ZBTB7C: variants seen among roughly 807,000 people sequenced by gnomAD.
ZBTB7C encodes the protein zinc finger and BTB domain containing 7C.
Under a neutral mutation model 25.7 loss-of-function variants are expected in ZBTB7C, and 8 were observed. The ratio of observed to expected loss-of-function variants is 0.31; its 90% CI spans 0.18 to 0.56. ZBTB7C has a LOEUF of 0.56. Among genes scored for constraint, ZBTB7C ranks in the 20% least tolerant of loss-of-function variants. ZBTB7C has a pLI of 0.91. For missense variants in ZBTB7C, 824 were observed against 855.2 expected (o/e 0.96, Z 0.46); for synonymous variants, 394 against 369.0 (o/e 1.07, Z -0.78).
At chr18:48,226,129 C>T (rs144927663) in intron 2 of ZBTB7C, among the ~76,000 whole-genome samples, 1 of 152,188 alleles carries the variant, frequency 6.6e-6, no homozygotes, top group African/African-American at 2.4e-5. Context: ...GACATGAGAG[C>T]AAACCCAACC....
intron 1 of ZBTB7C, among the ~76,000 whole-genome samples, chr18:48,372,781 T>G (rs2047417726): frequency 6.6e-6 from 1 of 152,104 alleles, no homozygotes; most frequent in East Asian, 1.9e-4. Flanking sequence ...TTCTACCCTA[T>G]ATGCAGGTCC....
Position 48,111,198 on chromosome 18 carries a change from C to T in ZBTB7C, c.-16-70075G>A, listed in dbSNP as rs370217446. On this transcript the variant is annotated intron_variant, in intron 3 of 4. Coordinates refer to ENST00000590800, the MANE Select transcript of ZBTB7C (RefSeq NM_001318841.2). ...TCCACCTCCCCACCCCATCCTTTCTCATGCTCTCGTCCTCAGCTCCTCTTA... is the reference window on the plus strand; with the variant it reads ...TCCACCTCCCCACCCCATCCTTTCTTATGCTCTCGTCCTCAGCTCCTCTTA... Among the ~76,000 whole-genome samples the T allele has an allele frequency of 6.2e-4, 95 of 152,266 alleles. No individual in the cohort carries two copies. The South Asian group carries it at 0.018, about 29-fold the overall frequency.
At position 48,105,835 on chromosome 18, in the gene ZBTB7C, C is replaced by T. The variant is rs756521101; in HGVS notation, c.-16-64712G>A. Among the ~76,000 whole-genome samples, 53 of 152,216 alleles carry T rather than the reference C, an allele frequency of 3.5e-4. 1 individual carries two copies. The highest frequency in any genetic ancestry group is 1.0e-3 in the South Asian group (5 of 4,828). Reference sequence around the variant, plus strand: ...CAACTTGCTATTGCTATTGCACTCGCAATACCTGGCTCCAGCATACCATTG... The same window carrying T: ...CAACTTGCTATTGCTATTGCACTCGTAATACCTGGCTCCAGCATACCATTG... On this transcript the variant is annotated intron_variant, in intron 3 of 4. Transcript: ENST00000590800.
intron 1 of ZBTB7C, among the ~76,000 whole-genome samples, chr18:48,359,766 A>G (rs561598254): frequency 6.6e-6 from 1 of 152,338 alleles, no homozygotes; most frequent in South Asian, 2.1e-4. Flanking sequence ...AAAGAGGAAC[A>G]AGATGTCATT....
intron 2 of ZBTB7C, among the ~76,000 whole-genome samples, chr18:48,247,889 T>A (rs571385089): frequency 6.6e-6 from 1 of 152,220 alleles, no homozygotes; most frequent in Non-Finnish European, 1.5e-5. Flanking sequence ...TTTGGCTGTG[T>A]CCTCACCCAA....
chr18:48,182,100 T>C (rs1235058256), intron 3 of ZBTB7C, among the ~76,000 whole-genome samples: 1 of 152,150 alleles, frequency 6.6e-6, no homozygotes, highest in Non-Finnish European at 1.5e-5. Flanking sequence ...CTCCACCAAT[T>C]TGATGCTTTA....
intron 2 of ZBTB7C, among the ~76,000 whole-genome samples, chr18:48,186,768 G>T (rs1248063042): frequency 6.6e-6 from 1 of 152,178 alleles, no homozygotes; most frequent in Non-Finnish European, 1.5e-5. Flanking sequence ...TTTTTGGAGG[G>T]AGTCAGGAAG....
At chr18:48,300,455 C>T (rs1365846039) in intron 2 of ZBTB7C, among the ~76,000 whole-genome samples, 2 of 152,138 alleles carry the variant, frequency 1.3e-5, no homozygotes, top group South Asian at 2.1e-4. Context: ...GCTGGGCATC[C>T]GATTCCACCC....
At chr18:48,037,384 G>A (rs2036020272) in intron 4 of ZBTB7C, among the ~76,000 whole-genome samples, 3 of 152,230 alleles carry the variant, frequency 2.0e-5, no homozygotes, top group Admixed American at 2.0e-4. Flanking sequence ...GTGACCATCA[G>A]GAATGTGCTG....
chr18:48,032,591 C>G (rs146639466), intron 4 of ZBTB7C, among the ~76,000 whole-genome samples: 2 of 151,782 alleles, frequency 1.3e-5, no homozygotes, highest in Non-Finnish European at 2.9e-5. Flanking sequence ...CCCACCACTA[C>G]GCCTGGCTAA....
At chr18:48,161,290 T>C (rs2041015833) in intron 3 of ZBTB7C, among the ~76,000 whole-genome samples, 1 of 147,196 alleles carries the variant, frequency 6.8e-6, no homozygotes. Flanking sequence ...GGGCTGGGAG[T>C]GGGAGAGTCC....
intron 2 of ZBTB7C, among the ~76,000 whole-genome samples, chr18:48,195,408 G>A (rs1568294780): frequency 6.6e-6 from 1 of 152,178 alleles, no homozygotes; most frequent in East Asian, 1.9e-4. Flanking sequence ...CGTCTCATGA[G>A]ATCTGATGGT....
At chr18:48,122,983 C>T (rs1227408979) in intron 3 of ZBTB7C, among the ~76,000 whole-genome samples, 3 of 152,168 alleles carry the variant, frequency 2.0e-5, no homozygotes, top group Non-Finnish European at 2.9e-5. Flanking sequence ...GGAGGGGATG[C>T]GGATCTATGG....
Position 48,137,421 on chromosome 18 carries a change from CA to C in ZBTB7C, c.-17+48512del, listed in dbSNP as rs201293432. ...GTTTTGTTTTTTGTGGGTTTCCCCC[CA>C]CTCTCCTTCTCTAGTACTTCACAAA... On this transcript the variant is annotated intron_variant, in intron 3 of 4. Coordinates refer to ENST00000590800, the MANE Select transcript of ZBTB7C (RefSeq NM_001318841.2). The C allele has an allele frequency of 9.5e-5, 60 of 629,684 alleles. No homozygotes were observed. The South Asian group carries it at 1.5e-3, about 16-fold the overall frequency. The allele number at this position is 629,684 out of a possible 1,614,324, so 39.0% of individuals were successfully genotyped here.
At chr18:48,227,838 C>T (rs2043144194) in intron 2 of ZBTB7C, among the ~76,000 whole-genome samples, 1 of 152,132 alleles carries the variant, frequency 6.6e-6, no homozygotes, top group African/African-American at 2.4e-5. Context: ...CATGGAGGGT[C>T]CCCTTGTCCT....
chr18:48,173,338 C>T (rs2145043266), intron 3 of ZBTB7C, among the ~76,000 whole-genome samples: 1 of 152,244 alleles, frequency 6.6e-6, no homozygotes, highest in African/African-American at 2.4e-5. Flanking sequence ...TGGCTGTTAT[C>T]ATCCCCATTT....
At chr18:48,336,255 C>T (rs577908731) in intron 2 of ZBTB7C, among the ~76,000 whole-genome samples, 4 of 152,302 alleles carry the variant, frequency 2.6e-5, no homozygotes, top group African/African-American at 7.2e-5. Context: ...AGGCCCCCAA[C>T]CCTGTTAGCA....
At chr18:48,054,765 T>A (rs1467253924) in intron 3 of ZBTB7C, among the ~76,000 whole-genome samples, 5 of 152,206 alleles carry the variant, frequency 3.3e-5, no homozygotes. Flanking sequence ...AGAACTTTTA[T>A]TGCACTGAGA....
At chr18:48,207,214 G>C (rs2042595896) in intron 2 of ZBTB7C, among the ~76,000 whole-genome samples, 1 of 152,188 alleles carries the variant, frequency 6.6e-6, no homozygotes, top group South Asian at 2.1e-4. Context: ...TGACAGTCAA[G>C]AGTGTAAATC....
Sources: gnomAD v4.1 joint callset for allele counts (sites outside exome capture counted in the v4.1 genomes callset) on GRCh38, gnomAD v4.1.1 for gene constraint, MANE v1.5 for transcripts, NCBI Gene and HGNC (gene_info 2026-07-23, HGNC 2026-07-21) for gene names.